TBC1D15: variants seen among roughly 807,000 people sequenced by gnomAD.
The protein encoded by TBC1D15 is TBC1 domain family member 15, also known as GAP for RAB7.
A neutral mutation model predicts 95.4 loss-of-function variants in TBC1D15; 39 were observed. The ratio of observed to expected loss-of-function variants is 0.41; its 90% confidence interval spans 0.32 to 0.53. The LOEUF is 0.53. TBC1D15 is among the 20% of genes least tolerant of loss of function. The probability of loss-of-function intolerance (pLI) is 0.29; values close to 1 mark genes in which losing one functional copy is unlikely to be tolerated. For missense variants in TBC1D15, 733 were observed against 794.3 expected, an observed-to-expected ratio of 0.92 and a Z score of 0.93; for synonymous variants, 258 against 261.3, an observed-to-expected ratio of 0.99 and a Z score of 0.12.
At chr12:71,858,629 C>G (rs1364770863) in intron 1 of TBC1D15, among the ~76,000 whole-genome samples, 2 of 149,074 alleles carry the variant, frequency 1.3e-5, no homozygotes, top group African/African-American at 5.0e-5. Context: ...TCTTGCCTCA[C>G]TGCAGCCTCC....
At chr12:71,906,999 T>C in intron 10 of TBC1D15, 23 bp from the exon 11 acceptor site, 1 of 1,473,882 alleles carries the variant, frequency 6.8e-7, no homozygotes, top group South Asian at 1.2e-5. Context: ...GCTTTTCAAA[T>C]ATGTGATGAT....
intron 3 of TBC1D15, among the ~76,000 whole-genome samples, chr12:71,876,685 CT>C (rs977722239): frequency 4.0e-5 from 6 of 150,694 alleles, no homozygotes; most frequent in African/African-American, 1.2e-4. Flanking sequence ...AAAAACATTT[CT>C]TTTTTTTGTT....
chr12:71,841,064 T>G (rs2137743047), intron 1 of TBC1D15: 1 of 152,334 alleles, frequency 6.6e-6, no homozygotes, highest in East Asian at 1.9e-4. Flanking sequence ...TTCGTGCTCC[T>G]TGGTTGTCTT....
chr12:71,889,938 C>G (rs1896917669), intron 5 of TBC1D15, among the ~76,000 whole-genome samples: 1 of 152,152 alleles, frequency 6.6e-6, no homozygotes, highest in Non-Finnish European at 1.5e-5. Flanking sequence ...AAAATAGCCT[C>G]CAGCTTCATC....
In TBC1D15 at chr12:71,923,965, A is replaced by T. The variant is rs1870337603; in HGVS notation, c.*761A>T. Reference sequence around the variant, plus strand: ...GATCTTTTTCAAAACTATTTTCTTAAACATTTATTTCATGAGATTATGTTC... The same window carrying T: ...GATCTTTTTCAAAACTATTTTCTTATACATTTATTTCATGAGATTATGTTC... On this transcript the variant is annotated 3_prime_UTR_variant, in exon 17 of 17. Coordinates refer to ENST00000485960, the MANE Select transcript of TBC1D15 (RefSeq NM_001146213.3). The T allele has an allele frequency of 6.6e-6, 1 of 152,566 alleles. No individual in the cohort carries two copies. Among genetic ancestry groups the T allele is most frequent in the Non-Finnish European group, 1.5e-5 (1 of 68,004 alleles). 9.5% of individuals were successfully genotyped at this position (152,566 alleles called of 1,614,324 possible).
At chr12:71,852,422 T>C (rs967165741) in intron 1 of TBC1D15, among the ~76,000 whole-genome samples, 1 of 152,270 alleles carries the variant, frequency 6.6e-6, no homozygotes, top group African/African-American at 2.4e-5. Flanking sequence ...CTTGCCTTTC[T>C]GGTAGTTATG....
chr12:71,871,975 G>T, intron 1 of TBC1D15, 95 bp from the exon 2 acceptor site: 3 of 483,976 alleles, frequency 6.2e-6, no homozygotes, highest in Non-Finnish European at 1.1e-5. Context: ...CAGAAACTTG[G>T]CCAAGTATGA....
intron 10 of TBC1D15, among the ~76,000 whole-genome samples, chr12:71,903,058 C>T (rs1005241294): frequency 3.9e-5 from 6 of 152,220 alleles, no homozygotes; most frequent in Non-Finnish European, 7.4e-5. Context: ...ATTACAGGTG[C>T]CCACCACCAC....
intron 10 of TBC1D15, 93 bp from the exon 11 acceptor site, chr12:71,906,929 G>C (rs1900868611): frequency 3.2e-6 from 2 of 633,788 alleles, no homozygotes; most frequent in Non-Finnish European, 5.1e-6. Context: ...GAAATTAATA[G>C]CAAGAAAAAT....
At chr12:71,843,777 T>C (rs1885651200) in intron 1 of TBC1D15, among the ~76,000 whole-genome samples, 1 of 152,160 alleles carries the variant, frequency 6.6e-6, no homozygotes, top group African/African-American at 2.4e-5. Flanking sequence ...ACGTCTCCTA[T>C]CTGACTTCGC....
chr12:71,916,903 T>G (rs749614814), intron 12 of TBC1D15, among the ~76,000 whole-genome samples: 3 of 152,208 alleles, frequency 2.0e-5, no homozygotes, highest in Non-Finnish European at 4.4e-5. Flanking sequence ...AGTTTTTGTT[T>G]ATGTGGGTTA....
chr12:71,863,864 G>A (rs1890906697), intron 1 of TBC1D15, among the ~76,000 whole-genome samples: 1 of 151,388 alleles, frequency 6.6e-6, no homozygotes, highest in Non-Finnish European at 1.5e-5. Context: ...ATTTCTGCTT[G>A]GCTCTTTTTT....
At chr12:71,876,970 C>A (rs1018542421) in intron 3 of TBC1D15, among the ~76,000 whole-genome samples, 2 of 151,802 alleles carry the variant, frequency 1.3e-5, no homozygotes, top group African/African-American at 4.8e-5. Flanking sequence ...GCCACCACAC[C>A]CGACTAGTTT....
chr12:71,896,092 A>G lies in TBC1D15; in HGVS notation c.984+17A>G. On this transcript the variant is annotated intron_variant, in intron 8 of 16. Coordinates refer to ENST00000485960, the MANE Select transcript of TBC1D15 (RefSeq NM_001146213.3). Reference sequence around the variant, plus strand: ...TTTAGAGGGGTAATTTAAACACTCTAATATGGCTTGTCTTATAAACTCCTA... The same window carrying G: ...TTTAGAGGGGTAATTTAAACACTCTGATATGGCTTGTCTTATAAACTCCTA... The G allele has an allele frequency of 6.3e-7, 1 of 1,593,750 alleles. No homozygotes were observed. Among genetic ancestry groups the G allele is most frequent in the Non-Finnish European group, 8.6e-7 (1 of 1,166,762 alleles).
Position 71,907,120 on chromosome 12 carries a change from A to G in TBC1D15, c.1282A>G (p.Met428Val), listed in dbSNP as rs190497690. 6.3e-7 allele frequency: 1 copy of G among 1,598,802 alleles called. No individual in the cohort carries two copies. The highest frequency in any genetic ancestry group is 2.2e-5 in the East Asian group (1 of 44,616). The change falls in exon 11 of 17, where the codon ATG becomes GTG. Residue 428 changes from methionine (M) to valine (V), a missense_variant. Transcript: ENST00000485960. ...LLHDILMTYC[M>V]YDFDLGYVQG... ...TCATGACATTTTGATGACCTACTGT[A>G]TGTATGATTTTGATTTAGGTAAGTT... is the stretch of plus-strand genomic sequence containing the variant.
At chr12:71,884,480 C>T (rs1895834056) in intron 4 of TBC1D15, among the ~76,000 whole-genome samples, 1 of 151,982 alleles carries the variant, frequency 6.6e-6, no homozygotes, top group Non-Finnish European at 1.5e-5. Context: ...TTATTTGTCC[C>T]AGGTCATTCA....
chr12:71,905,687 G>A (rs1900518694), intron 10 of TBC1D15, among the ~76,000 whole-genome samples: 1 of 152,046 alleles, frequency 6.6e-6, no homozygotes, highest in Non-Finnish European at 1.5e-5. Context: ...TATTACTTTT[G>A]CTTATTTGAG....
At chr12:71,847,651 T>C (rs1426217957) in intron 1 of TBC1D15, among the ~76,000 whole-genome samples, 2 of 151,758 alleles carry the variant, frequency 1.3e-5, no homozygotes, top group Admixed American at 6.6e-5. Context: ...GCCGAGATTG[T>C]GCCACTGCTC....
intron 15 of TBC1D15, 44 bp from the exon 16 acceptor site, chr12:71,921,324 T>A (rs746919679): frequency 9.2e-7 from 1 of 1,087,218 alleles, no homozygotes; most frequent in Non-Finnish European, 1.3e-6. Flanking sequence ...AATATAATAG[T>A]GTATTCAGTT....
Sources: allele counts gnomAD v4.1 joint callset (sites outside exome capture counted in the v4.1 genomes callset), GRCh38; gene constraint gnomAD v4.1.1; transcripts MANE v1.5; gene names NCBI Gene and HGNC (gene_info 2026-07-23, HGNC 2026-07-21).